GABRA4: variants seen among roughly 807,000 people sequenced by gnomAD.
The protein encoded by GABRA4 is gamma-aminobutyric acid type A receptor subunit alpha4.
In GABRA4, 12 loss-of-function variants were observed where a neutral mutation model predicts 49.7. The ratio of observed to expected loss-of-function variants is 0.24; its 90% CI spans 0.15 to 0.39. The LOEUF (loss-of-function observed/expected upper bound fraction) is 0.39. GABRA4 is among the 10% of genes least tolerant of loss of function. GABRA4 has a pLI of 1.00. For synonymous variants in GABRA4, 288 were observed against 240.2 expected, an observed-to-expected ratio of 1.20 and a Z score of -1.84; for missense variants, 506 against 686.0, an observed-to-expected ratio of 0.74 and a Z score of 2.93.
intron 8 of GABRA4, among the ~76,000 whole-genome samples, chr4:46,948,296 A>G (rs559898561): frequency 8.3e-4 from 126 of 152,210 alleles, no homozygotes; most frequent in Middle Eastern, 3.4e-3. Flanking sequence ...TCCTTTGGAA[A>G]CCTATTAAAC....
intron 1 of GABRA4, 84 bp downstream of exon 1, chr4:46,993,255 G>T: frequency 8.7e-7 from 1 of 1,152,458 alleles, no homozygotes; most frequent in Non-Finnish European, 1.3e-6. Flanking sequence ...TCCACCCAGG[G>T]AGGAGCGAGT....
intron 8 of GABRA4, among the ~76,000 whole-genome samples, chr4:46,942,923 A>G (rs1169793228): frequency 1.3e-5 from 2 of 151,886 alleles, no homozygotes; most frequent in African/African-American, 2.4e-5. Context: ...TCTCCCCCCA[A>G]TTTTTTCTAA....
intron 2 of GABRA4, among the ~76,000 whole-genome samples, chr4:46,983,930 T>C (rs1216909539): frequency 6.6e-6 from 1 of 152,052 alleles, no homozygotes; most frequent in Non-Finnish European, 1.5e-5. Context: ...CAACAGTTTT[T>C]GGGAAAGAAA....
chr4:46,941,232 T>C (rs1299328794), intron 8 of GABRA4, among the ~76,000 whole-genome samples: 1 of 151,978 alleles, frequency 6.6e-6, no homozygotes, highest in African/African-American at 2.4e-5. Flanking sequence ...ACCAAAACTA[T>C]GAACTATCAT....
intron 8 of GABRA4, among the ~76,000 whole-genome samples, chr4:46,951,360 T>C (rs1379835152): frequency 6.6e-6 from 1 of 151,464 alleles, no homozygotes; most frequent in Non-Finnish European, 1.5e-5. Context: ...CAGTCTTTCA[T>C]TCATTGACTC....
At chr4:46,951,096 C>T (rs1228548906) in intron 8 of GABRA4, among the ~76,000 whole-genome samples, 1 of 151,958 alleles carries the variant, frequency 6.6e-6, no homozygotes, top group Non-Finnish European at 1.5e-5. Context: ...AGGAATAGCA[C>T]TTGCTTCATA....
At chr4:46,982,497 G>A (rs1723391770) in intron 2 of GABRA4, among the ~76,000 whole-genome samples, 1 of 151,936 alleles carries the variant, frequency 6.6e-6, no homozygotes, top group Non-Finnish European at 1.5e-5. Flanking sequence ...GGTATCCCCA[G>A]AACTGTGAAA....
intron 8 of GABRA4, among the ~76,000 whole-genome samples, chr4:46,948,933 T>A (rs1577759599): frequency 6.6e-6 from 1 of 152,224 alleles, no homozygotes; most frequent in Middle Eastern, 3.4e-3. Context: ...TCCATATATT[T>A]TCTTTTCCTA....
At chr4:46,943,843 T>C (rs1213027066) in intron 8 of GABRA4, among the ~76,000 whole-genome samples, 3 of 152,132 alleles carry the variant, frequency 2.0e-5, no homozygotes, top group African/African-American at 7.2e-5. Flanking sequence ...ATGGGATACA[T>C]GTGCTGTTTT....
chr4:46,991,545 G>C (rs11735333), intron 2 of GABRA4, among the ~76,000 whole-genome samples: 65,719 of 151,968 alleles, frequency 0.43, 14,453 homozygotes, highest in Middle Eastern at 0.53. Flanking sequence ...CTCCCAACAT[G>C]TCATCTCCTA....
intron 8 of GABRA4, among the ~76,000 whole-genome samples, chr4:46,931,993 A>AT (rs529567450): frequency 2.6e-5 from 4 of 152,170 alleles, no homozygotes; most frequent in African/African-American, 7.2e-5. Context: ...CTGAAGTATC[A>AT]TTTTTTTTGT....
At position 46,928,512 on chromosome 4, in the gene GABRA4, G is replaced by C; in HGVS notation, c.1378C>G (p.Arg460Gly). Residue 460 changes from arginine to glycine, a missense_variant, in exon 9 of 9, where the codon CGA becomes GGA. This residue lies in a region of GABRA4 where 243 missense variants were observed against 210.8 expected (regional missense o/e 1.15). Coordinates refer to ENST00000264318, the MANE Select transcript of GABRA4 (RefSeq NM_000809.4). ...GCCTTTCGAGGCATATATCCAGTTC[G>C]GATAGAAGTAGGAGAAGCAGATGGA... is the stretch of plus-strand genomic sequence containing the variant. ...ALPSASPTSI[R>G]TGYMPRKASV... 1 of 1,613,630 alleles carries C rather than the reference G, an allele frequency of 6.2e-7. No individual in the cohort carries two copies. The highest frequency in any genetic ancestry group is 8.5e-7 in the Non-Finnish European group (1 of 1,179,734).
intron 1 of GABRA4, 38 bp downstream of exon 1, chr4:46,993,301 T>A: frequency 6.3e-7 from 1 of 1,576,810 alleles, no homozygotes; most frequent in Non-Finnish European, 8.7e-7. Flanking sequence ...ATTTCTCCAC[T>A]TTCCGTTGCC....
chr4:46,967,055 A>T (rs1371807973), intron 7 of GABRA4, among the ~76,000 whole-genome samples: 1 of 151,706 alleles, frequency 6.6e-6, no homozygotes, highest in Non-Finnish European at 1.5e-5. Flanking sequence ...AATAACTGAA[A>T]ATTTTTAGCT....
chr4:46,965,305 A>C, intron 7 of GABRA4, 76 bp from the exon 8 acceptor site: 1 of 1,251,408 alleles, frequency 8.0e-7, no homozygotes, highest in East Asian at 2.7e-5. Flanking sequence ...CACCAACAAA[A>C]ACCTAGAAAA....
chr4:46,993,475 A>G lies in GABRA4; in HGVS notation c.-51T>C, dbSNP rs1161291235. On this transcript the variant is annotated 5_prime_UTR_variant, in exon 1 of 9. Coordinates refer to ENST00000264318, the MANE Select transcript of GABRA4 (RefSeq NM_000809.4). ...CTGTTCACGTTTCCAGGCTCTTCAG[A>G]TGCCCTGAGCAGGGTGCGAGGAGAG... is the stretch of plus-strand genomic sequence containing the variant. The G allele has an allele frequency of 6.3e-7, 1 of 1,585,450 alleles. No individual in the cohort carries two copies. Among genetic ancestry groups the G allele is most frequent in the East Asian group, 2.2e-5 (1 of 44,656 alleles).
intron 8 of GABRA4, among the ~76,000 whole-genome samples, chr4:46,960,896 A>G (rs1722549555): frequency 6.6e-6 from 1 of 151,806 alleles, no homozygotes; most frequent in South Asian, 2.1e-4. Flanking sequence ...AATAGAAACA[A>G]TGAAATAAAT....
chr4:46,956,469 A>G (rs1369048234), intron 8 of GABRA4, among the ~76,000 whole-genome samples: 5 of 152,050 alleles, frequency 3.3e-5, no homozygotes, highest in Non-Finnish European at 7.4e-5. Context: ...TAGGAATGGA[A>G]TGAAGCTTGT....
At chr4:46,945,222 T>C (rs182506432) in intron 8 of GABRA4, among the ~76,000 whole-genome samples, 4 of 152,274 alleles carry the variant, frequency 2.6e-5, no homozygotes, top group East Asian at 3.9e-4. Context: ...TATTAACTGA[T>C]AACCAGAATG....
Sources: allele counts gnomAD v4.1 joint callset (sites outside exome capture counted in the v4.1 genomes callset), GRCh38; gene constraint gnomAD v4.1.1; regional missense constraint gnomAD v4.1.1; transcripts MANE v1.5; gene names NCBI Gene and HGNC (gene_info 2026-07-23, HGNC 2026-07-21).